The following CA14 variants were observed in gnomAD, a reference collection of about 807,000 sequenced individuals.
CA14 encodes the protein carbonic anhydrase 14, also known as CA-XIV.
Under a neutral mutation model 48.8 loss-of-function variants are expected in CA14, and 44 were observed. That is an observed-to-expected ratio of 0.90 (90% confidence interval 0.71 to 1.16). CA14 has a LOEUF of 1.16. Among genes scored for constraint, CA14 ranks in the 50% most tolerant of loss-of-function variants. CA14 has a pLI of 0.00. For synonymous variants in CA14, 154 were observed against 155.0 expected, an observed-to-expected ratio of 0.99 and a Z score of 0.05; for missense variants, 386 against 401.0, an observed-to-expected ratio of 0.96 and a Z score of 0.32.
Position 150,264,854 on chromosome 1 carries a change from C to A in CA14, c.*195C>A. On this transcript the variant is annotated 3_prime_UTR_variant, in exon 11 of 11. Coordinates refer to ENST00000369111, the MANE Select transcript of CA14 (RefSeq NM_012113.3). The stretch of plus-strand genomic sequence containing the variant: ...AGAACTGCAGAGCCTTCAGCCTCTC[C>A]AAACATGTAGGAGGAAATGAGGAAA... 2.1e-6 allele frequency: 1 copy of A among 469,254 alleles called. No homozygotes were observed. The highest frequency in any genetic ancestry group is 3.8e-6 in the Non-Finnish European group (1 of 262,048). The allele number at this position is 469,254 out of a possible 1,614,324, so 29.1% of individuals were successfully genotyped here.
At position 150,262,255 on chromosome 1, in the gene CA14, A is replaced by AG. The variant is rs1323289107; in HGVS notation, c.360dup (p.Ser121ValfsTer8). ...TGCACTGGGGTCAGAAAGGATCCCC[A>AG]GGGGGGTCAGAACACCAGATCAACA... is the stretch of plus-strand genomic sequence containing the variant. On this transcript the variant is annotated frameshift_variant, in exon 4 of 11. Transcript: ENST00000369111. LOFTEE classifies it high-confidence loss of function. 6 of 1,611,724 alleles carry AG rather than the reference A, an allele frequency of 3.7e-6. No individual in the cohort carries two copies. Among genetic ancestry groups the AG allele is most frequent in the African/African-American group, 2.7e-5 (2 of 74,844 alleles).
chr1:150,258,853 C>A (rs1361975352), intron 1 of CA14, among the ~76,000 whole-genome samples: 2 of 152,166 alleles, frequency 1.3e-5, no homozygotes, highest in Admixed American at 1.3e-4. Context: ...GTTTCCTGTG[C>A]CTAGCACAGT....
intron 1 of CA14, among the ~76,000 whole-genome samples, chr1:150,259,109 G>T (rs1364862582): frequency 3.3e-5 from 5 of 152,146 alleles, no homozygotes; most frequent in African/African-American, 1.2e-4. Context: ...AGTTGTTGGG[G>T]GGTCCCACAG....
At position 150,263,174 on chromosome 1, in the gene CA14, G is replaced by T; in HGVS notation, c.695G>T (p.Arg232Ile). 6.2e-7 allele frequency: 1 copy of T among 1,614,106 alleles called. No homozygotes were observed. The highest frequency in any genetic ancestry group is 8.5e-7 in the Non-Finnish European group (1 of 1,180,022). The change falls in exon 7 of 11, where the codon AGA becomes ATA. Residue 232 changes from arginine (R) to isoleucine (I), a missense_variant. By Grantham distance (97) the Arg-to-Ile change is moderately conservative. Transcript: ENST00000369111. ...AGTGTGCTCTGGACAGTTTTTTATA[G>T]AAGGTCCCAGATTTCAATGGAACAG... ...YQSVLWTVFYRRSQISMEQLE... is the reference protein window; with the variant it reads ...YQSVLWTVFYIRSQISMEQLE...
At chr1:150,263,593 A>G in intron 8 of CA14, 66 bp from the exon 9 acceptor site, 1 of 1,612,424 alleles carries the variant, frequency 6.2e-7, no homozygotes, top group Admixed American at 1.7e-5. Context: ...GCACAGCAGC[A>G]GAGAGTGCTG....
chr1:150,264,712 A>G lies in CA14; in HGVS notation c.*53A>G. 1 of 1,435,066 alleles carries G rather than the reference A, an allele frequency of 7.0e-7. No homozygotes were observed. The highest frequency in any genetic ancestry group is 1.2e-5 in the South Asian group (1 of 85,106). 88.9% of individuals were successfully genotyped at this position (1,435,066 alleles called of 1,614,324 possible). ...ATGACTTCCCTTCATGCCTATCAGG[A>G]AGCCTCTAAAATGGGGTGTAGGATC... is the stretch of plus-strand genomic sequence containing the variant. On this transcript the variant is annotated 3_prime_UTR_variant, in exon 11 of 11. Coordinates refer to ENST00000369111, the MANE Select transcript of CA14 (RefSeq NM_012113.3).
intron 2 of CA14, 98 bp downstream of exon 2, chr1:150,260,269 C>A: frequency 8.7e-7 from 1 of 1,153,160 alleles, no homozygotes; most frequent in Non-Finnish European, 1.3e-6. Context: ...ACTTCCTTTA[C>A]CTTCTCACCC....
chr1:150,264,647 G>T lies in CA14; in HGVS notation c.1002G>T (p.Thr334=). 2 of 1,612,732 alleles carry T rather than the reference G, an allele frequency of 1.2e-6. No individual in the cohort carries two copies. Among genetic ancestry groups the T allele is most frequent in the South Asian group, 2.2e-5 (2 of 90,884 alleles). Reference sequence around the variant, plus strand: ...TGGTCTTCACCTCAGCACAAGCCACGACTGAGGCATAAATTCCTTCTCAGA... The same window carrying T: ...TGGTCTTCACCTCAGCACAAGCCACTACTGAGGCATAAATTCCTTCTCAGA... ...KSVVFTSAQA[T]TEA is the part of the protein sequence containing the mutation. Residue 334 remains threonine, a synonymous_variant, in exon 11 of 11, where the codon ACG becomes ACT. Transcript: ENST00000369111.
chr1:150,261,555 A>T lies in CA14; in HGVS notation c.173A>T (p.Asp58Val). 6.2e-7 allele frequency: 1 copy of T among 1,614,052 alleles called. No individual in the cohort carries two copies. Among genetic ancestry groups the T allele is most frequent in the Non-Finnish European group, 8.5e-7 (1 of 1,180,008 alleles). ...IDIQTDSVTFDPDLPALQPHG... is the reference protein window; with the variant it reads ...IDIQTDSVTFVPDLPALQPHG... ...ATTCAGACAGACAGTGTGACATTTG[A>T]CCCTGATTTGCCTGCTCTGCAGCCC... Residue 58 changes from aspartate (D) to valine (V), a missense_variant, in exon 3 of 11, where the codon GAC becomes GTC. Coordinates refer to ENST00000369111, the MANE Select transcript of CA14 (RefSeq NM_012113.3).
chr1:150,263,327 C>A lies in CA14; in HGVS notation c.749C>A (p.Ser250Tyr), dbSNP rs587755689. 17 of 1,614,222 alleles carry A rather than the reference C, an allele frequency of 1.1e-5. 1 individual carries two copies. The South Asian group carries it at 1.8e-4, about 17-fold the overall frequency. Residue 250 changes from serine to tyrosine, a missense_variant, in exon 8 of 11, where the codon TCC becomes TAC. Transcript: ENST00000369111. ...GAAAAGCTTCAGGGGACATTGTTCT[C>A]CACAGAAGAGGAGCCCTCTAAGCTT... ...QLEKLQGTLFSTEEEPSKLLV... is the reference protein window; with the variant it reads ...QLEKLQGTLFYTEEEPSKLLV...
chr1:150,258,054 C>A lies in CA14; in HGVS notation c.-75C>A. ...TCTCTCTCTCTCTCTCTCACTCCTC[C>A]CTCCCTCTCTCTCTGCCTGTCCTAG... is the stretch of plus-strand genomic sequence containing the variant. On this transcript the variant is annotated 5_prime_UTR_variant, in exon 1 of 11. Coordinates refer to ENST00000369111, the MANE Select transcript of CA14 (RefSeq NM_012113.3). The A allele has an allele frequency of 9.1e-7, 1 of 1,101,926 alleles. No homozygotes were observed. The highest frequency in any genetic ancestry group is 1.3e-6 in the Non-Finnish European group (1 of 758,334). The allele number at this position is 1,101,926 out of a possible 1,614,324, so 68.3% of individuals were successfully genotyped here.
chr1:150,262,990 G>A, intron 6 of CA14, 52 bp from the exon 7 acceptor site: 1 of 1,601,430 alleles, frequency 6.2e-7, no homozygotes, highest in Non-Finnish European at 8.6e-7. Context: ...GCCCTATCTA[G>A]GTAAGCTAGG....
Position 150,262,396 on chromosome 1 carries a change from G to T in CA14, c.399+96G>T, listed in dbSNP as rs1369779941. ...ACCTTAGGAAAAGTCATGCTGGGGG[G>T]ATAAGGCCAATCTCTGAGGGACAGA... On this transcript the variant is annotated intron_variant, in intron 4 of 10. Transcript: ENST00000369111. The T allele has an allele frequency of 2.0e-6, 3 of 1,512,492 alleles. No individual in the cohort carries two copies. In the African/African-American group the frequency reaches 4.1e-5, roughly 21 times the overall value. The allele number at this position is 1,512,492 out of a possible 1,614,324, so 93.7% of individuals were successfully genotyped here.
intron 10 of CA14, among the ~76,000 whole-genome samples, chr1:150,264,226 G>A (rs1553848826): frequency 2.1e-5 from 3 of 146,322 alleles, no homozygotes; most frequent in Non-Finnish European, 4.5e-5. Flanking sequence ...CGCTTTTTGA[G>A]ACAGGTTCTC....
At chr1:150,259,703 C>G (rs974318107) in intron 1 of CA14, among the ~76,000 whole-genome samples, 4 of 152,062 alleles carry the variant, frequency 2.6e-5, no homozygotes, top group African/African-American at 9.7e-5. Context: ...GTAGCACCCC[C>G]CAACACACAC....
rs1227955791 is a variant in CA14, at chr1:150,262,392, G to C, written c.399+92G>C. 47 of 1,518,350 alleles carry C rather than the reference G, an allele frequency of 3.1e-5. No individual in the cohort carries two copies. In the East Asian group the frequency reaches 6.3e-4, roughly 20 times the overall value. 94.1% of individuals were successfully genotyped at this position (1,518,350 alleles called of 1,614,324 possible). A position where few individuals can be genotyped will look rare whatever the true frequency, so the allele number is the denominator to read the frequency against. The stretch of plus-strand genomic sequence containing the variant: ...CTGGACCTTAGGAAAAGTCATGCTG[G>C]GGGGATAAGGCCAATCTCTGAGGGA... On this transcript the variant is annotated intron_variant, in intron 4 of 10. Transcript: ENST00000369111.
In CA14 at chr1:150,264,489, C is replaced by T. The variant is rs1404615290; in HGVS notation, c.948-104C>T. ...AAGTGCTGGGATTATAGGTGTGAAA[C>T]ACCTTGCCCAGCCCTCTTTTCTGTT... On this transcript the variant is annotated intron_variant, in intron 10 of 10. Coordinates refer to ENST00000369111, the MANE Select transcript of CA14 (RefSeq NM_012113.3). 94 of 701,606 alleles carry T rather than the reference C, an allele frequency of 1.3e-4. No homozygotes were observed. In the East Asian group the frequency reaches 2.4e-3, roughly 18 times the overall value. 43.5% of individuals were successfully genotyped at this position (701,606 alleles called of 1,614,324 possible).
rs782788493 is a variant in CA14, at chr1:150,262,180, C to G, written c.279C>G (p.Thr93=). ...CAGTGCAACTCTCTCTGCCCTCTAC[C>G]CTGTATCTGGGTGGACTTCCCCGAA... The part of the protein sequence containing the change: ...GHTVQLSLPS[T]LYLGGLPRKY... Residue 93 remains threonine (T), a synonymous_variant, in exon 4 of 11, where the codon ACC becomes ACG. Coordinates refer to ENST00000369111, the MANE Select transcript of CA14 (RefSeq NM_012113.3). The G allele has an allele frequency of 1.9e-6, 3 of 1,614,164 alleles. No homozygotes were observed. Among genetic ancestry groups the G allele is most frequent in the Non-Finnish European group, 1.7e-6 (2 of 1,180,020 alleles).
At chr1:150,262,028 TG>T in intron 3 of CA14, 129 bp from the exon 4 acceptor site, 1 of 998,846 alleles carries the variant, frequency 1.0e-6, no homozygotes, top group Non-Finnish European at 1.5e-6. Flanking sequence ...CACTGGCCTA[TG>T]GGAGGAACTG....
Sources: allele counts gnomAD v4.1 joint callset (sites outside exome capture counted in the v4.1 genomes callset), GRCh38; gene constraint gnomAD v4.1.1; transcripts MANE v1.5; gene names NCBI Gene and HGNC (gene_info 2026-07-23, HGNC 2026-07-21).